The following SCIN variants were observed in gnomAD, a reference collection of about 807,000 sequenced individuals.
SCIN encodes the protein scinderin.
A neutral mutation model predicts 91.8 loss-of-function variants in SCIN; 91 were observed. The observed-to-expected ratio is 0.99, with a 90% confidence interval of 0.84 to 1.18. The LOEUF (loss-of-function observed/expected upper bound fraction) is 1.18. Ranked by LOEUF, SCIN falls within the 50% of genes most tolerant of loss-of-function variation. The pLI is 0.00. For synonymous variants in SCIN, 367 were observed against 312.6 expected, an observed-to-expected ratio of 1.17 and a Z score of -1.84; for missense variants, 1,087 against 863.9, an observed-to-expected ratio of 1.26 and a Z score of -3.24.
chr7:12,644,592 T>C lies in SCIN; in HGVS notation c.1768T>C (p.Trp590Arg). Residue 590 changes from tryptophan to arginine, a missense_variant, in exon 13 of 16, where the codon TGG becomes CGG. Trp to Arg is a moderately radical substitution (Grantham distance 101). Coordinates refer to ENST00000297029, the MANE Select transcript of SCIN (RefSeq NM_001112706.3). Reference sequence around the variant, plus strand: ...GAGTGTGTTTTCCACAGAGGAGTTCTGGAATTCCCTTGGAGGGAAAAAAGA... The same window carrying C: ...GAGTGTGTTTTCCACAGAGGAGTTCCGGAATTCCCTTGGAGGGAAAAAAGA... ...IQEGEEPEEF[W>R]NSLGGKKDYQ... 6.2e-7 allele frequency: 1 copy of C among 1,612,092 alleles called. No individual in the cohort carries two copies. Among genetic ancestry groups the C allele is most frequent in the African/African-American group, 1.3e-5 (1 of 75,010 alleles).
At chr7:12,618,711 A>G (rs1392986479) in intron 4 of SCIN, among the ~76,000 whole-genome samples, 2 of 152,124 alleles carry the variant, frequency 1.3e-5, no homozygotes, top group East Asian at 1.9e-4. Context: ...CATAACAACA[A>G]GGATTAGCTT....
intron 14 of SCIN, among the ~76,000 whole-genome samples, chr7:12,650,238 C>T (rs1033699662): frequency 6.6e-6 from 1 of 152,032 alleles, no homozygotes; most frequent in African/African-American, 2.4e-5. Flanking sequence ...TATATCACAC[C>T]CTAGCTTCTG....
intron 9 of SCIN, among the ~76,000 whole-genome samples, chr7:12,631,038 A>G (rs1011207929): frequency 1.3e-5 from 2 of 152,212 alleles, no homozygotes; most frequent in African/African-American, 2.4e-5. Context: ...TGGTACTTAC[A>G]TTAAACGAAA....
chr7:12,632,015 C>A (rs1181099501), intron 9 of SCIN, among the ~76,000 whole-genome samples: 1 of 152,052 alleles, frequency 6.6e-6, no homozygotes, highest in Non-Finnish European at 1.5e-5. Flanking sequence ...CTGAAGAGGA[C>A]AAACTTTATT....
rs1162881597 is a variant in SCIN at position 12,651,533 on chromosome 7, T to C, written c.1960-308T>C. On this transcript the variant is annotated intron_variant, in intron 14 of 15. Coordinates refer to ENST00000297029, the MANE Select transcript of SCIN (RefSeq NM_001112706.3). The surrounding 1 kb of genome is among the most constrained non-coding windows in gnomAD (Gnocchi z 5.9). The stretch of plus-strand genomic sequence containing the variant: ...CTAGGGGGTGGATGAAAAAAAAAAG[T>C]CCACCCAGACAATCTGTTTTTTTTT... Among the ~76,000 whole-genome samples, 1 of 150,406 alleles carries C rather than the reference T, an allele frequency of 6.6e-6. No homozygotes were observed. Among genetic ancestry groups the C allele is most frequent in the Non-Finnish European group, 1.5e-5 (1 of 67,668 alleles).
At chr7:12,605,525 C>A (rs1310366408) in intron 4 of SCIN, among the ~76,000 whole-genome samples, 1 of 152,138 alleles carries the variant, frequency 6.6e-6, no homozygotes, top group Non-Finnish European at 1.5e-5. Flanking sequence ...GGAGTCAAGT[C>A]TAAACATGAA....
chr7:12,582,234 A>G (rs1182538016), intron 3 of SCIN, among the ~76,000 whole-genome samples: 1 of 152,226 alleles, frequency 6.6e-6, no homozygotes, highest in Non-Finnish European at 1.5e-5. Flanking sequence ...GTTTTATTGC[A>G]TCTACTTGGG....
At position 12,657,929 on chromosome 7, in the gene SCIN, CTTTAA is replaced by C. The variant is rs1428469769; in HGVS notation, c.*5219_*5223del. 2.0e-5 allele frequency: 3 copies of C among 152,100 alleles called. No homozygotes were observed. Among genetic ancestry groups the C allele is most frequent in the Non-Finnish European group, 4.4e-5 (3 of 68,010 alleles). 9.4% of individuals were successfully genotyped at this position (152,100 alleles called of 1,614,324 possible). On this transcript the variant is annotated 3_prime_UTR_variant, in exon 16 of 16. Transcript: ENST00000297029. ...TCCTGTTGCCTATAAAAAATTGATG[CTTTAA>C]TTTAGTTAACATGACAAACTCCATC...
chr7:12,573,797 G>A (rs1782315902), intron 1 of SCIN, among the ~76,000 whole-genome samples: 1 of 152,100 alleles, frequency 6.6e-6, no homozygotes, highest in Non-Finnish European at 1.5e-5. Flanking sequence ...ATATTTTAAA[G>A]CAGTATACAT....
chr7:12,572,692 T>C (rs1478345028), intron 1 of SCIN, among the ~76,000 whole-genome samples: 2 of 152,202 alleles, frequency 1.3e-5, no homozygotes, highest in Non-Finnish European at 2.9e-5. Flanking sequence ...ATTATCTACT[T>C]AATTATCCAC....
intron 8 of SCIN, among the ~76,000 whole-genome samples, chr7:12,627,630 C>A (rs1241374831): frequency 6.6e-6 from 1 of 152,150 alleles, no homozygotes; most frequent in South Asian, 2.1e-4. Context: ...AGACGTGAAG[C>A]GTGAATCTAA....
chr7:12,636,406 G>T (rs1346556524), intron 10 of SCIN, among the ~76,000 whole-genome samples: 2 of 152,142 alleles, frequency 1.3e-5, no homozygotes, highest in Non-Finnish European at 2.9e-5. Context: ...CTATGTCAAT[G>T]ATAGCCTCTT....
chr7:12,599,682 G>GT (rs1026543351), intron 3 of SCIN, among the ~76,000 whole-genome samples: 169 of 148,650 alleles, frequency 1.1e-3, no homozygotes, highest in East Asian at 4.0e-3. Flanking sequence ...ACCAACATCT[G>GT]TTTTTTTTTT....
At chr7:12,609,073 A>T (rs1783139122) in intron 4 of SCIN, among the ~76,000 whole-genome samples, 1 of 152,190 alleles carries the variant, frequency 6.6e-6, no homozygotes, top group African/African-American at 2.4e-5. Context: ...CACAGTTTTT[A>T]TATGGCTTAT....
chr7:12,603,971 C>A (rs966923637), intron 3 of SCIN, among the ~76,000 whole-genome samples: 2 of 151,938 alleles, frequency 1.3e-5, no homozygotes, highest in Non-Finnish European at 2.9e-5. Flanking sequence ...ATTACTGGGA[C>A]AATATCACTC....
chr7:12,624,120 G>C (rs2115272325), intron 5 of SCIN, among the ~76,000 whole-genome samples: 1 of 152,244 alleles, frequency 6.6e-6, no homozygotes, highest in South Asian at 2.1e-4. Context: ...TGGATATAAA[G>C]TATAAAGTTC....
Position 12,581,044 on chromosome 7 carries a change from T to C in SCIN, c.355-16T>C. On this transcript the variant is annotated splice_polypyrimidine_tract_variant and intron_variant, in intron 2 of 15. Coordinates refer to ENST00000297029, the MANE Select transcript of SCIN (RefSeq NM_001112706.3). ...TCTCTTTGTTTTTTGTGTGTCTGTC[T>C]TCCCTCATTCATCAGGCTGGAGGCG... 6.5e-7 allele frequency: 1 copy of C among 1,549,488 alleles called. No individual in the cohort carries two copies. Among genetic ancestry groups the C allele is most frequent in the Non-Finnish European group, 8.7e-7 (1 of 1,145,732 alleles).
Position 12,659,878 on chromosome 7 carries a change from AAAG to A in SCIN, c.*7167_*7169del, listed in dbSNP as rs1192283880. 6.1e-6 allele frequency: 1 copy of A among 163,054 alleles called. No individual in the cohort carries two copies. Among genetic ancestry groups the A allele is most frequent in the African/African-American group, 2.4e-5 (1 of 41,604 alleles). 10.1% of individuals were successfully genotyped at this position (163,054 alleles called of 1,614,324 possible). ...GGCCTGAAGCAATTGAAGATCTACA[AAAG>A]AAGTGAAAATTACCTTAACTGATGA... is the stretch of plus-strand genomic sequence containing the variant. On this transcript the variant is annotated 3_prime_UTR_variant, in exon 16 of 16. Coordinates refer to ENST00000297029, the MANE Select transcript of SCIN (RefSeq NM_001112706.3).
chr7:12,570,989 A>G lies in SCIN; in HGVS notation c.199+4A>G. On this transcript the variant is annotated splice_donor_region_variant and intron_variant, in intron 1 of 15. Coordinates refer to ENST00000297029, the MANE Select transcript of SCIN (RefSeq NM_001112706.3). The stretch of plus-strand genomic sequence containing the variant: ...TACCACCTGCACTTCTGGCTCGGTA[A>G]GGGACGGCGGGCGGCGGGACCCCGA... The G allele has an allele frequency of 6.5e-7, 1 of 1,547,410 alleles. No individual in the cohort carries two copies. The highest frequency in any genetic ancestry group is 1.2e-5 in the South Asian group (1 of 83,834).
Sources: gnomAD v4.1 joint callset for allele counts (sites outside exome capture counted in the v4.1 genomes callset) on GRCh38, gnomAD v4.1.1 for gene constraint, Gnocchi (gnomAD v3.1) non-coding constraint, MANE v1.5 for transcripts, NCBI Gene and HGNC (gene_info 2026-07-23, HGNC 2026-07-21) for gene names.